The following FUT9 variants were observed in gnomAD, a reference collection of about 807,000 sequenced individuals.
FUT9 encodes 4-galactosyl-N-acetylglucosaminide 3-alpha-L-fucosyltransferase 9.
Under a neutral mutation model 29.7 loss-of-function variants are expected in FUT9, and 15 were observed. The ratio of observed to expected loss-of-function variants is 0.51; its 90% CI spans 0.34 to 0.78. FUT9 has a LOEUF of 0.78. Among genes scored for constraint, FUT9 ranks in the 30% least tolerant of loss-of-function variants. The pLI is 0.01. For synonymous variants in FUT9, 169 were observed against 153.7 expected (o/e 1.10, Z -0.74); for missense variants, 319 against 425.4 (o/e 0.75, Z 2.20).
chr6:96,067,534 G>C (rs1770984920), intron 1 of FUT9, among the ~76,000 whole-genome samples: 1 of 152,098 alleles, frequency 6.6e-6, no homozygotes, highest in Admixed American at 6.6e-5. Context: ...TTAAATAAGA[G>C]TTAGTGGTTG....
rs569964936 is a variant in FUT9 at position 96,035,368 on chromosome 6, T to C, written c.-98+19156T>C. On this transcript the variant is annotated intron_variant, in intron 1 of 2. Transcript: ENST00000302103. ...TTATTTACTCCCCTGTTTCTTTTCT[T>C]GGAACAGTAAATGTCACTCTATATT... is the stretch of plus-strand genomic sequence containing the variant. Among the ~76,000 whole-genome samples the C allele has an allele frequency of 1.1e-3, 168 of 151,574 alleles. 1 individual carries two copies. Among genetic ancestry groups the C allele is most frequent in the African/African-American group, 3.8e-3 (159 of 41,460 alleles).
chr6:96,087,846 C>T (rs1771343972), intron 1 of FUT9, among the ~76,000 whole-genome samples: 1 of 152,176 alleles, frequency 6.6e-6, no homozygotes, highest in South Asian at 2.1e-4. Context: ...CACTCTTTGG[C>T]ATAGATCCAT....
intron 1 of FUT9, among the ~76,000 whole-genome samples, chr6:96,016,539 G>A (rs144943490): frequency 8.9e-4 from 136 of 152,196 alleles, no homozygotes; most frequent in African/African-American, 2.9e-3. Flanking sequence ...TACTGTTACT[G>A]TCCCTGCGTT....
rs1382421862 is a variant in FUT9 at position 96,204,310 on chromosome 6, C to A, written c.*75C>A. 3.0e-6 allele frequency: 3 copies of A among 994,656 alleles called. No individual in the cohort carries two copies. The highest frequency in any genetic ancestry group is 1.6e-5 in the African/African-American group (1 of 61,154). 61.6% of individuals were successfully genotyped at this position (994,656 alleles called of 1,614,324 possible). On this transcript the variant is annotated 3_prime_UTR_variant, in exon 3 of 3. Transcript: ENST00000302103. ...CAAGTATTGAGGATAAGAAGAGATG[C>A]AACATACTACTTTTGTGTCACAATT...
At chr6:96,178,669 C>A (rs1453253634) in intron 2 of FUT9, among the ~76,000 whole-genome samples, 1 of 152,028 alleles carries the variant, frequency 6.6e-6, no homozygotes, top group Non-Finnish European at 1.5e-5. Context: ...TTGAATAATC[C>A]ATCATTTTTA....
Position 96,204,193 on chromosome 6 carries a change from A to G in FUT9, c.1038A>G (p.Glu346=), listed in dbSNP as rs1773783297. The G allele has an allele frequency of 2.1e-6, 3 of 1,462,038 alleles. No individual in the cohort carries two copies. Among genetic ancestry groups the G allele is most frequent in the African/African-American group, 1.4e-5 (1 of 71,030 alleles). The allele number at this position is 1,462,038 out of a possible 1,614,324, so 90.6% of individuals were successfully genotyped here. The change falls in exon 3 of 3, where the codon GAA becomes GAG. Residue 346 remains glutamate (E), a synonymous_variant. Coordinates refer to ENST00000302103, the MANE Select transcript of FUT9 (RefSeq NM_006581.4). ...GCGATCATGTGAAAAGGCATCAAGA[A>G]TATAAGTCTGTTGGTAATTTAGAGA... ...LACDHVKRHQ[E]YKSVGNLEKW...
chr6:96,099,666 A>C lies in FUT9; in HGVS notation c.-97-14373A>C, dbSNP rs189202158. Among the ~76,000 whole-genome samples, 459 of 152,192 alleles carry C rather than the reference A, an allele frequency of 3.0e-3. 1 individual carries two copies. The highest frequency in any genetic ancestry group is 0.01 in the African/African-American group (430 of 41,522). On this transcript the variant is annotated intron_variant, in intron 1 of 2. Transcript: ENST00000302103. ...TTCTGCTGCTTGCCTGATAGTAATA[A>C]ATTTATTAGTGTATTTAGAATATAA...
intron 2 of FUT9, among the ~76,000 whole-genome samples, chr6:96,145,951 G>A (rs978468347): frequency 9.4e-5 from 2 of 21,166 alleles, no homozygotes; most frequent in African/African-American, 1.1e-4. Context: ...AACCTCCCAG[G>A]TTGAGGTCCT....
chr6:96,022,498 G>A (rs1770087128), intron 1 of FUT9, among the ~76,000 whole-genome samples: 1 of 152,008 alleles, frequency 6.6e-6, no homozygotes, highest in Non-Finnish European at 1.5e-5. Context: ...GATATTTCCA[G>A]TAGTTTTTTT....
chr6:96,047,029 A>G (rs1466380526), intron 1 of FUT9, among the ~76,000 whole-genome samples: 3 of 152,194 alleles, frequency 2.0e-5, no homozygotes, highest in Non-Finnish European at 4.4e-5. Context: ...CCATGCTTAA[A>G]TGGCAAATCC....
intron 2 of FUT9, among the ~76,000 whole-genome samples, chr6:96,191,660 G>A (rs941470154): frequency 2.0e-5 from 3 of 152,154 alleles, no homozygotes; most frequent in Admixed American, 2.0e-4. Context: ...GTACAAGGAG[G>A]AGCTGGTACC....
Position 96,117,112 on chromosome 6 carries a change from C to A in FUT9, c.-9+2985C>A, listed in dbSNP as rs11751337. 8.5e-3 allele frequency among the ~76,000 whole-genome samples: 1,290 copies of A among 152,150 alleles called. 11 individuals are homozygous for A. Among genetic ancestry groups the A allele is most frequent in the Non-Finnish European group, 0.015 (1,000 of 67,984 alleles). ...TTTGGAAAACAGTATTTTGAAAGGACAAAATCTGCAAAGAATGAGGCTAAC... is the reference window on the plus strand; with the variant it reads ...TTTGGAAAACAGTATTTTGAAAGGAAAAAATCTGCAAAGAATGAGGCTAAC... On this transcript the variant is annotated intron_variant, in intron 2 of 2. Coordinates refer to ENST00000302103, the MANE Select transcript of FUT9 (RefSeq NM_006581.4).
intron 1 of FUT9, among the ~76,000 whole-genome samples, chr6:96,034,375 A>G (rs552291314): frequency 6.6e-6 from 1 of 151,776 alleles, no homozygotes; most frequent in Non-Finnish European, 1.5e-5. Context: ...TTTTATTTAG[A>G]ATTATATCCA....
At chr6:96,048,345 G>A (rs1246353451) in intron 1 of FUT9, among the ~76,000 whole-genome samples, 1 of 152,144 alleles carries the variant, frequency 6.6e-6, no homozygotes, top group African/African-American at 2.4e-5. Context: ...GTCAGAGTGG[G>A]TAAGTGGAAT....
At position 96,191,279 on chromosome 6, in the gene FUT9, A is replaced by G. The variant is rs1254558307; in HGVS notation, c.-8-11869A>G. 2.6e-5 allele frequency among the ~76,000 whole-genome samples: 4 copies of G among 152,312 alleles called. No homozygotes were observed. The East Asian group carries it at 7.7e-4, about 29-fold the overall frequency. On this transcript the variant is annotated intron_variant, in intron 2 of 2. Coordinates refer to ENST00000302103, the MANE Select transcript of FUT9 (RefSeq NM_006581.4). ...ACACAAAAAACCCTTCAAAAAATCAATGAATCCAGGAGCTAGTTTTTTTGA... is the reference window on the plus strand; with the variant it reads ...ACACAAAAAACCCTTCAAAAAATCAGTGAATCCAGGAGCTAGTTTTTTTGA...
intron 2 of FUT9, among the ~76,000 whole-genome samples, chr6:96,136,953 C>A (rs1477973528): frequency 1.3e-5 from 2 of 151,800 alleles, no homozygotes; most frequent in Non-Finnish European, 2.9e-5. Context: ...GACTGCATTC[C>A]CCCAAATAGA....
chr6:96,103,481 A>G (rs1038403791), intron 1 of FUT9, among the ~76,000 whole-genome samples: 1 of 152,156 alleles, frequency 6.6e-6, no homozygotes, highest in African/African-American at 2.4e-5. Flanking sequence ...AACAACAAAC[A>G]TTTATTCTTT....
intron 1 of FUT9, among the ~76,000 whole-genome samples, chr6:96,094,560 A>G (rs1771463945): frequency 6.6e-6 from 1 of 152,114 alleles, no homozygotes; most frequent in African/African-American, 2.4e-5. Context: ...ATTCATGCAG[A>G]GCATATATTG....
At chr6:96,178,084 T>C (rs985674564) in intron 2 of FUT9, among the ~76,000 whole-genome samples, 1 of 152,046 alleles carries the variant, frequency 6.6e-6, no homozygotes, top group Admixed American at 6.6e-5. Flanking sequence ...TCAGCTCCCA[T>C]GATGCCAGAC....
Sources: gnomAD v4.1 joint callset for allele counts (sites outside exome capture counted in the v4.1 genomes callset) on GRCh38, gnomAD v4.1.1 for gene constraint, MANE v1.5 for transcripts, NCBI Gene and HGNC (gene_info 2026-07-23, HGNC 2026-07-21) for gene names.